The following TP53INP1 variants were observed in gnomAD, a reference collection of about 807,000 sequenced individuals.
The protein encoded by TP53INP1 is tumor protein p53 inducible nuclear protein 1.
Under a neutral mutation model 21.0 loss-of-function variants are expected in TP53INP1, and 12 were observed. The ratio of observed to expected loss-of-function variants is 0.57; its 90% CI spans 0.37 to 0.93. The LOEUF is 0.93. Ranked by LOEUF, TP53INP1 falls within the 40% of genes least tolerant of loss-of-function variation. The pLI, the probability that TP53INP1 is intolerant of heterozygous loss-of-function variation, is 0.01. For synonymous variants in TP53INP1, 91 were observed against 94.8 expected, an observed-to-expected ratio of 0.96 and a Z score of 0.23; for missense variants, 274 against 294.7, an observed-to-expected ratio of 0.93 and a Z score of 0.51.
Position 94,930,283 on chromosome 8 carries a change from T to G in TP53INP1, c.*196A>C. The G allele has an allele frequency of 1.5e-6, 1 of 661,732 alleles. No individual in the cohort carries two copies. The highest frequency in any genetic ancestry group is 2.4e-6 in the Non-Finnish European group (1 of 411,480). 41.0% of individuals were successfully genotyped at this position (661,732 alleles called of 1,614,324 possible). On this transcript the variant is annotated 3_prime_UTR_variant, in exon 4 of 4. Coordinates refer to ENST00000342697, the MANE Select transcript of TP53INP1 (RefSeq NM_033285.4). ...AATCTGAAAAAGTGTACAAAAAAAGTAAATGTTAAAGGCAAGGCATTATGT... is the reference window on the plus strand; with the variant it reads ...AATCTGAAAAAGTGTACAAAAAAAGGAAATGTTAAAGGCAAGGCATTATGT...
Position 94,936,892 on chromosome 8 carries a change from C to T in TP53INP1, c.473+2968G>A, listed in dbSNP as rs553744527. Among the ~76,000 whole-genome samples the T allele has an allele frequency of 8.5e-5, 13 of 152,248 alleles. No individual in the cohort carries two copies. The East Asian group carries it at 2.1e-3, about 25-fold the overall frequency. On this transcript the variant is annotated intron_variant, in intron 3 of 3. Transcript: ENST00000342697. ...TCTTCTACTCTCTCAGGCACAAATACCAATGAGAACCGTTCTGCCAGCCAG... is the reference window on the plus strand; with the variant it reads ...TCTTCTACTCTCTCAGGCACAAATATCAATGAGAACCGTTCTGCCAGCCAG...
In TP53INP1 at chr8:94,934,001, C is replaced by T. The variant is rs974583582; in HGVS notation, c.474-3273G>A. Among the ~76,000 whole-genome samples, 18 of 148,900 alleles carry T rather than the reference C, an allele frequency of 1.2e-4. No individual in the cohort carries two copies. The East Asian group carries it at 3.2e-3, about 27-fold the overall frequency. ...CTGAGGCAGGAGAATTGCTTGAACC[C>T]GGGAGGCAGAGGTTGCAGTGAGCCA... is the stretch of plus-strand genomic sequence containing the variant. On this transcript the variant is annotated intron_variant, in intron 3 of 3. Transcript: ENST00000342697.
intron 1 of TP53INP1, among the ~76,000 whole-genome samples, chr8:94,946,277 C>T (rs1821983136): frequency 1.3e-5 from 2 of 152,100 alleles, no homozygotes; most frequent in African/African-American, 4.8e-5. Flanking sequence ...GAGTCTAATA[C>T]TCACGGGGAA....
At chr8:94,942,099 C>T (rs1013731939) in intron 1 of TP53INP1, among the ~76,000 whole-genome samples, 5 of 151,684 alleles carry the variant, frequency 3.3e-5, no homozygotes, top group Non-Finnish European at 7.4e-5. Context: ...TGCAGTGAGG[C>T]GATCTTGGCT....
intron 1 of TP53INP1, among the ~76,000 whole-genome samples, chr8:94,948,904 C>T (rs912435833): frequency 5.9e-5 from 9 of 151,482 alleles, no homozygotes; most frequent in African/African-American, 2.2e-4. Context: ...TCCGCGCCGC[C>T]GCCGCCTCTG....
chr8:94,946,544 T>C (rs1477688822), intron 1 of TP53INP1, among the ~76,000 whole-genome samples: 2 of 150,692 alleles, frequency 1.3e-5, no homozygotes, highest in Non-Finnish European at 3.0e-5. Context: ...CTACAAAAAA[T>C]AAATTAGCTG....
chr8:94,939,175 G>T (rs1282568730), intron 3 of TP53INP1, among the ~76,000 whole-genome samples: 1 of 152,182 alleles, frequency 6.6e-6, no homozygotes, highest in Non-Finnish European at 1.5e-5. Context: ...CATTTGATGA[G>T]ATGTAGCTAG....
At chr8:94,947,443 C>T (rs1215467760) in intron 1 of TP53INP1, among the ~76,000 whole-genome samples, 1 of 152,214 alleles carries the variant, frequency 6.6e-6, no homozygotes, top group Non-Finnish European at 1.5e-5. Flanking sequence ...TCTTCCACTA[C>T]TTTAAAAACG....
In TP53INP1 at chr8:94,928,299, A is replaced by G. The variant is rs575136211; in HGVS notation, c.*2180T>C. On this transcript the variant is annotated 3_prime_UTR_variant, in exon 4 of 4. Transcript: ENST00000342697. Reference sequence around the variant, plus strand: ...TGTTCATGTTGCCAAACAAAATCTCATGGCTGAACTTCTGTAGCTTGTGAG... The same window carrying G: ...TGTTCATGTTGCCAAACAAAATCTCGTGGCTGAACTTCTGTAGCTTGTGAG... 6.6e-6 allele frequency: 1 copy of G among 152,330 alleles called. No individual in the cohort carries two copies. Among genetic ancestry groups the G allele is most frequent in the East Asian group, 1.9e-4 (1 of 5,196 alleles). 9.4% of individuals were successfully genotyped at this position (152,330 alleles called of 1,614,324 possible). A position where few individuals can be genotyped will look rare whatever the true frequency, so the allele number is the denominator to read the frequency against.
chr8:94,938,740 C>A (rs983186899), intron 3 of TP53INP1, among the ~76,000 whole-genome samples: 1 of 152,200 alleles, frequency 6.6e-6, no homozygotes, highest in African/African-American at 2.4e-5. Context: ...ATGGGCCTTG[C>A]CTTATGCATC....
chr8:94,940,241 C>T (rs754787702), intron 2 of TP53INP1, 21 bp from the exon 3 acceptor site: 31 of 1,583,652 alleles, frequency 2.0e-5, no homozygotes, highest in African/African-American at 2.7e-5. Flanking sequence ...GTCCACATTG[C>T]AGTCCACATG....
Position 94,939,883 on chromosome 8 carries a change from T to A in TP53INP1, c.450A>T (p.Glu150Asp). 6.2e-7 allele frequency: 1 copy of A among 1,613,570 alleles called. No homozygotes were observed. Among genetic ancestry groups the A allele is most frequent in the Non-Finnish European group, 8.5e-7 (1 of 1,179,630 alleles). ...ACCTGGGACTACTTGGGCTATGTAA[T>A]TCATCAGTCCCACGGGTGGCCTCAC... ...GLSEATRGTD[E>D]LHSPSSPRVE... is the part of the protein sequence containing the mutation. The change falls in exon 3 of 4, where the codon GAA becomes GAT. Residue 150 changes from glutamate to aspartate, a missense_variant. Transcript: ENST00000342697.
intron 1 of TP53INP1, among the ~76,000 whole-genome samples, chr8:94,947,608 G>C (rs1586762357): frequency 6.6e-6 from 1 of 152,196 alleles, no homozygotes; most frequent in Admixed American, 6.5e-5. Flanking sequence ...AGTTGTCTTT[G>C]CTTGTTCCAC....
intron 3 of TP53INP1, among the ~76,000 whole-genome samples, chr8:94,938,093 G>A (rs1172851326): frequency 6.6e-6 from 1 of 152,176 alleles, no homozygotes; most frequent in Non-Finnish European, 1.5e-5. Flanking sequence ...CAGGCTCAGA[G>A]AAAAAGATGA....
At chr8:94,937,212 C>T (rs1045399801) in intron 3 of TP53INP1, among the ~76,000 whole-genome samples, 2 of 152,004 alleles carry the variant, frequency 1.3e-5, no homozygotes, top group South Asian at 2.1e-4. Context: ...GAGGCAGAGG[C>T]GGTGGATCAC....
At position 94,940,046 on chromosome 8, in the gene TP53INP1, C is replaced by G; in HGVS notation, c.287G>C (p.Trp96Ser). Residue 96 changes from tryptophan (W) to serine (S), a missense_variant, in exon 3 of 4, where the codon TGG becomes TCG. By Grantham distance (177) the Trp-to-Ser change is radical. Transcript: ENST00000342697. ...QFESCPMEES[W>S]FITPPPCFTA... ...AAAACATGGGGGTGGGGTGATAAAC[C>G]AGCTCTCCTCCATTGGACATGACTC... 3.7e-6 allele frequency: 6 copies of G among 1,614,178 alleles called. No homozygotes were observed. Among genetic ancestry groups the G allele is most frequent in the Non-Finnish European group, 5.1e-6 (6 of 1,180,032 alleles).
chr8:94,948,739 G>T (rs1212901157), intron 1 of TP53INP1, among the ~76,000 whole-genome samples: 1 of 152,174 alleles, frequency 6.6e-6, no homozygotes, highest in Non-Finnish European at 1.5e-5. Flanking sequence ...CCATCCAACG[G>T]CCGAGAGCAG....
In TP53INP1 at chr8:94,926,847, T is replaced by C. The variant is rs761212014; in HGVS notation, c.*3632A>G. 1.3e-5 allele frequency: 2 copies of C among 152,170 alleles called. No individual in the cohort carries two copies. The highest frequency in any genetic ancestry group is 2.9e-5 in the Non-Finnish European group (2 of 68,012). The allele number at this position is 152,170 out of a possible 1,614,324, so 9.4% of individuals were successfully genotyped here. The stretch of plus-strand genomic sequence containing the variant: ...ACATGGCAAGGCTGACACCACTGTA[T>C]CATGTAGGTTTTCTAAATAAAGCAT... On this transcript the variant is annotated 3_prime_UTR_variant, in exon 4 of 4. Coordinates refer to ENST00000342697, the MANE Select transcript of TP53INP1 (RefSeq NM_033285.4).
chr8:94,945,691 A>G (rs562550733), intron 1 of TP53INP1: 1 of 152,360 alleles, frequency 6.6e-6, no homozygotes, highest in Non-Finnish European at 1.5e-5. Context: ...TGCTAGGGCA[A>G]TCATAGAACG....
Sources: gnomAD v4.1 joint callset for allele counts (sites outside exome capture counted in the v4.1 genomes callset) on GRCh38, gnomAD v4.1.1 for gene constraint, MANE v1.5 for transcripts, NCBI Gene and HGNC (gene_info 2026-07-23, HGNC 2026-07-21) for gene names.